The following INPPL1 variants were observed in gnomAD, a reference collection of about 807,000 sequenced individuals.
The protein encoded by INPPL1 is phosphatidylinositol 3,4,5-trisphosphate 5-phosphatase 2.
INPPL1 carries 91 observed loss-of-function variants against 139.3 expected under a neutral mutation model. The observed-to-expected ratio is 0.65, with a 90% CI of 0.55 to 0.78. The LOEUF is 0.78. Among genes scored for constraint, INPPL1 ranks in the 30% least tolerant of loss-of-function variants. The pLI is 0.00. For missense variants in INPPL1, 1,411 were observed against 1,665.6 expected, an observed-to-expected ratio of 0.85 and a Z score of 2.66; for synonymous variants, 719 against 686.6, an observed-to-expected ratio of 1.05 and a Z score of -0.74.
At position 72,237,733 on chromosome 11, in the gene INPPL1, C is replaced by T. The variant is rs1358999805; in HGVS notation, c.3489C>T (p.Gly1163=). 4 of 1,611,134 alleles carry T rather than the reference C, an allele frequency of 2.5e-6. No individual in the cohort carries two copies. In the African/African-American group the frequency reaches 5.3e-5, roughly 22 times the overall value. ...CCCGGGGACTGCCCTCGGACTATGGCCGGCCCCTCAGCTTCCCTCCACCCC... is the reference window on the plus strand; with the variant it reads ...CCCGGGGACTGCCCTCGGACTATGGTCGGCCCCTCAGCTTCCCTCCACCCC... ...QPPRGLPSDY[G]RPLSFPPPRI... Residue 1163 remains glycine, a synonymous_variant, in exon 26 of 28, where the codon GGC becomes GGT. Transcript: ENST00000298229.
intron 17 of INPPL1, 82 bp from the exon 18 acceptor site, chr11:72,233,359 G>A: frequency 8.2e-7 from 1 of 1,217,550 alleles, no homozygotes; most frequent in Middle Eastern, 2.5e-4. Context: ...GAAGTGTGGG[G>A]ACTCATCAGC....
At chr11:72,223,744 C>A (rs940457329), upstream of INPPL1, 4 of 151,768 alleles carry the variant, frequency 2.6e-5, no homozygotes, top group African/African-American at 9.6e-5. Flanking sequence ...AACCCCGCGC[C>A]GCGACTTGCC....
In INPPL1 at chr11:72,230,377, A is replaced by AAT. The variant is rs773214667; in HGVS notation, c.1106_1107insAT (p.Ser370CysfsTer43). 3 of 1,614,000 alleles carry AAT rather than the reference A, an allele frequency of 1.9e-6. No individual in the cohort carries two copies. The highest frequency in any genetic ancestry group is 8.5e-7 in the Non-Finnish European group (1 of 1,180,052). On this transcript the variant is annotated frameshift_variant, in exon 10 of 28. Transcript: ENST00000298229. LOFTEE classifies it high-confidence loss of function. ...CATGCCCTAGTCCGCCAGCTCATTA[A>AAT]GTCCCAGCGTGTCCAGAACAAGCTG...
In INPPL1 at chr11:72,238,334, C is replaced by T. The variant is rs756631302; in HGVS notation, c.3758C>T (p.Thr1253Ile). ...DPAHKRLLLD[T>I]LQLSK ...GCTCACAAGCGCCTCCTTCTGGACA[C>T]CCTGCAGCTCAGCAAGTGATAGCGG... Residue 1253 changes from threonine (T) to isoleucine (I), a missense_variant, in exon 28 of 28, where the codon ACC (threonine) becomes ATC (isoleucine). Physicochemically the swap from Thr to Ile is moderately conservative, Grantham distance 89 (BLOSUM62 -1). Coordinates refer to ENST00000298229, the MANE Select transcript of INPPL1 (RefSeq NM_001567.4). 1.9e-6 allele frequency: 3 copies of T among 1,565,564 alleles called. No individual in the cohort carries two copies. The highest frequency in any genetic ancestry group is 2.3e-5 in the East Asian group (1 of 43,992).
intron 1 of INPPL1, among the ~76,000 whole-genome samples, chr11:72,225,743 ATGAG>A (rs1423305275): frequency 2.6e-5 from 4 of 152,164 alleles, no homozygotes; most frequent in Admixed American, 1.3e-4. Context: ...TTCTGAACCA[ATGAG>A]TGAGTGTTTG....
At chr11:72,225,224 G>A (rs1294419481) in intron 1 of INPPL1, 58 bp downstream of exon 1, 1 of 1,226,386 alleles carries the variant, frequency 8.2e-7, no homozygotes, top group Non-Finnish European at 1.0e-6. Context: ...GGGCACGGCC[G>A]GGTGTGGAAA....
Position 72,232,223 on chromosome 11 carries a change from C to T in INPPL1, c.1616-17C>T. The T allele has an allele frequency of 6.5e-7, 1 of 1,548,604 alleles. No homozygotes were observed. The highest frequency in any genetic ancestry group is 1.2e-5 in the South Asian group (1 of 84,028). On this transcript the variant is annotated splice_polypyrimidine_tract_variant and intron_variant, in intron 13 of 27. Coordinates refer to ENST00000298229, the MANE Select transcript of INPPL1 (RefSeq NM_001567.4). ...CTGAGGATGACCCAGGCCTTCCTCT[C>T]TTGCTTGCCTTAACAGGGAACAAGG...
At chr11:72,230,615 G>A in intron 10 of INPPL1, 147 bp downstream of exon 10, 1 of 890,692 alleles carries the variant, frequency 1.1e-6, no homozygotes, top group East Asian at 2.6e-5. Context: ...AGGGTGTTGA[G>A]AACGGGTGGC....
chr11:72,233,068 T>C lies in INPPL1; in HGVS notation c.1952-7T>C, dbSNP rs1429400334. On this transcript the variant is annotated splice_region_variant and splice_polypyrimidine_tract_variant and intron_variant, in intron 16 of 27. Coordinates refer to ENST00000298229, the MANE Select transcript of INPPL1 (RefSeq NM_001567.4). ...CCTGAACCCCACCTGTCTCCTGCTTTCCTTAGGTGAGGAGGAGATCTCCTT... is the reference window on the plus strand; with the variant it reads ...CCTGAACCCCACCTGTCTCCTGCTTCCCTTAGGTGAGGAGGAGATCTCCTT... 6.2e-7 allele frequency: 1 copy of C among 1,613,766 alleles called. No individual in the cohort carries two copies. The highest frequency in any genetic ancestry group is 2.2e-5 in the East Asian group (1 of 44,870).
chr11:72,225,434 G>A lies in INPPL1; in HGVS notation c.182+268G>A, dbSNP rs1456564270. 4 of 985,228 alleles carry A rather than the reference G, an allele frequency of 4.1e-6. No individual in the cohort carries two copies. In the African/African-American group the frequency reaches 7.0e-5, roughly 17 times the overall value. The allele number at this position is 985,228 out of a possible 1,614,324, so 61.0% of individuals were successfully genotyped here. ...GTGTGACTGTGATGACGAAAAATTCGGGCATTCCCCGGCAGACCCCTTCAG... is the reference window on the plus strand; with the variant it reads ...GTGTGACTGTGATGACGAAAAATTCAGGCATTCCCCGGCAGACCCCTTCAG... On this transcript the variant is annotated intron_variant, in intron 1 of 27. Transcript: ENST00000298229.
At chr11:72,227,071 A>G (rs763051959) in intron 1 of INPPL1, among the ~76,000 whole-genome samples, 2 of 152,122 alleles carry the variant, frequency 1.3e-5, no homozygotes, top group Non-Finnish European at 2.9e-5. Context: ...TGCCAAATAC[A>G]CACATACTTG....
chr11:72,226,394 T>A (rs1948675265), intron 1 of INPPL1, among the ~76,000 whole-genome samples: 1 of 152,128 alleles, frequency 6.6e-6, no homozygotes, highest in Admixed American at 6.5e-5. Flanking sequence ...TTGGCCAGGC[T>A]GGTCTTGAAC....
intron 10 of INPPL1, 144 bp from the exon 11 acceptor site, chr11:72,230,651 AC>A: frequency 1.2e-6 from 1 of 839,822 alleles, no homozygotes; most frequent in Non-Finnish European, 1.9e-6. Context: ...ATTTGCCAGC[AC>A]TGTTATATGC....
rs1948754091 is a variant in INPPL1 at position 72,228,996 on chromosome 11, T to TG, written c.519-92dup. 6.5e-7 allele frequency: 1 copy of TG among 1,528,384 alleles called. No individual in the cohort carries two copies. The highest frequency in any genetic ancestry group is 8.8e-7 in the Non-Finnish European group (1 of 1,136,226). The allele number at this position is 1,528,384 out of a possible 1,614,324, so 94.7% of individuals were successfully genotyped here. ...GCAGATAACCTGATCCATCCCGCCC[T>TG]GGTTGCCACAGGTACTATCTCCTCT... On this transcript the variant is annotated intron_variant, in intron 4 of 27. Coordinates refer to ENST00000298229, the MANE Select transcript of INPPL1 (RefSeq NM_001567.4). This position sits in a 1 kb window ranked among gnomAD's most constrained non-coding sequence, Gnocchi z 5.0.
chr11:72,237,840 T>TG lies in INPPL1; in HGVS notation c.3552+45dup, dbSNP rs750933456. On this transcript the variant is annotated intron_variant, in intron 26 of 27. Coordinates refer to ENST00000298229, the MANE Select transcript of INPPL1 (RefSeq NM_001567.4). ...CTGTCTGTGTGTGCCTGAGTGTGCT[T>TG]GCCCACAGACTGGTACCCTTTCACT... 2.6e-6 allele frequency: 4 copies of TG among 1,547,266 alleles called. No individual in the cohort carries two copies. In the East Asian group the frequency reaches 9.6e-5, roughly 37 times the overall value.
rs1949058796 is a variant in INPPL1, at chr11:72,238,281, C to T, written c.3705C>T (p.Asp1235=). Residue 1235 remains aspartate (D), a synonymous_variant, in exon 28 of 28, where the codon GAC becomes GAT. Coordinates refer to ENST00000298229, the MANE Select transcript of INPPL1 (RefSeq NM_001567.4). The part of the protein sequence containing the change: ...LEFLSDITEE[D]LEEAGVQDPA... ...TCCACAGTGACATCACCGAGGAGGA[C>T]TTGGAGGAGGCTGGGGTGCAGGACC... 1 of 1,611,854 alleles carries T rather than the reference C, an allele frequency of 6.2e-7. No individual in the cohort carries two copies. The highest frequency in any genetic ancestry group is 8.5e-7 in the Non-Finnish European group (1 of 1,178,832).
chr11:72,226,243 C>T (rs1243873942), intron 1 of INPPL1, among the ~76,000 whole-genome samples: 2 of 145,770 alleles, frequency 1.4e-5, no homozygotes, highest in African/African-American at 5.2e-5. Flanking sequence ...TGCAGTAGTG[C>T]AATCTCGGCT....
Position 72,234,250 on chromosome 11 carries a change from C to G in INPPL1, c.2213-31C>G. 6.7e-7 allele frequency: 1 copy of G among 1,494,032 alleles called. No individual in the cohort carries two copies. 92.5% of individuals were successfully genotyped at this position (1,494,032 alleles called of 1,614,324 possible). On this transcript the variant is annotated intron_variant, in intron 19 of 27. Coordinates refer to ENST00000298229, the MANE Select transcript of INPPL1 (RefSeq NM_001567.4). This position sits in a 1 kb window ranked among gnomAD's most constrained non-coding sequence, Gnocchi z 4.2. ...CATTCCTCCTGTGATCCTCTCAGTC[C>G]TCCTGTTTGTTCTCCTCCCTTTCTC... is the stretch of plus-strand genomic sequence containing the variant.
chr11:72,237,757 C>G lies in INPPL1; in HGVS notation c.3513C>G (p.Pro1171=). ...DYGRPLSFPP[P]RIRESIQEDL... ...GCCGGCCCCTCAGCTTCCCTCCACCCCGCATCCGGGAGAGCATCCAGGAAG... is the reference window on the plus strand; with the variant it reads ...GCCGGCCCCTCAGCTTCCCTCCACCGCGCATCCGGGAGAGCATCCAGGAAG... The change falls in exon 26 of 28, where the codon CCC becomes CCG. Residue 1171 remains proline (P), a synonymous_variant. Transcript: ENST00000298229. 2 of 1,610,876 alleles carry G rather than the reference C, an allele frequency of 1.2e-6. No individual in the cohort carries two copies. Among genetic ancestry groups the G allele is most frequent in the Admixed American group, 1.7e-5 (1 of 59,774 alleles).
Sources: gnomAD v4.1 joint callset for allele counts (sites outside exome capture counted in the v4.1 genomes callset) on GRCh38, gnomAD v4.1.1 for gene constraint, Gnocchi (gnomAD v3.1) non-coding constraint, MANE v1.5 for transcripts, NCBI Gene and HGNC (gene_info 2026-07-23, HGNC 2026-07-21) for gene names.